RBFOX1: variants seen among roughly 807,000 people sequenced by gnomAD.
RBFOX1 encodes the protein RNA binding fox-1 homolog 1, also known as RNA binding protein fox-1 homolog 1.
RBFOX1 carries 8 observed loss-of-function variants against 57.7 expected under a neutral mutation model. The ratio of observed to expected loss-of-function variants is 0.14; its 90% CI spans 0.08 to 0.25. The LOEUF (loss-of-function observed/expected upper bound fraction) is 0.25, where lower values mean the gene tolerates loss of function less well. Ranked by LOEUF, RBFOX1 falls within the 10% of genes least tolerant of loss-of-function variation. The pLI is 1.00. For missense variants in RBFOX1, 611 were observed against 548.5 expected (o/e 1.11, Z -1.14); for synonymous variants, 326 against 222.4 (o/e 1.47, Z -4.15).
At chr16:6,604,767 T>C (rs957930513) in intron 2 of RBFOX1, among the ~76,000 whole-genome samples, 6 of 152,198 alleles carry the variant, frequency 3.9e-5, no homozygotes, top group African/African-American at 1.4e-4. Context: ...GATTCCAAGA[T>C]TCTATAATTC....
chr16:6,027,786 AT>A (rs2095223878), intron 1 of RBFOX1, among the ~76,000 whole-genome samples: 1 of 152,110 alleles, frequency 6.6e-6, no homozygotes, highest in Non-Finnish European at 1.5e-5. Flanking sequence ...TGCTTCGTAT[AT>A]TTTCCTCTTG....
intron 4 of RBFOX1, among the ~76,000 whole-genome samples, chr16:7,281,637 C>G (rs2095545688): frequency 6.6e-6 from 1 of 151,958 alleles, no homozygotes; most frequent in South Asian, 2.1e-4. Context: ...TCATGGGGTT[C>G]TAGTCTAGAT....
At chr16:6,061,406 A>T (rs1168035146) in intron 1 of RBFOX1, among the ~76,000 whole-genome samples, 1 of 151,924 alleles carries the variant, frequency 6.6e-6, no homozygotes, top group South Asian at 2.1e-4. Context: ...TTTTCATTAT[A>T]TGTCTATATA....
chr16:7,537,526 A>G (rs1056705292), intron 5 of RBFOX1, among the ~76,000 whole-genome samples: 1 of 152,186 alleles, frequency 6.6e-6, no homozygotes, highest in African/African-American at 2.4e-5. Context: ...CCACAACTTC[A>G]CACTCTTTTT....
chr16:6,337,429 G>C (rs2191422), intron 2 of RBFOX1, among the ~76,000 whole-genome samples: 3 of 152,050 alleles, frequency 2.0e-5, no homozygotes, highest in African/African-American at 7.2e-5. Context: ...ACAAACCTCA[G>C]ATATTTGCAG....
intron 3 of RBFOX1, among the ~76,000 whole-genome samples, chr16:6,932,928 C>G (rs908763694): frequency 6.6e-6 from 1 of 152,230 alleles, no homozygotes; most frequent in South Asian, 2.1e-4. Context: ...CTGGCAACTA[C>G]TATTCTCCTT....
chr16:7,258,538 G>A (rs551707732), intron 4 of RBFOX1, among the ~76,000 whole-genome samples: 40 of 152,152 alleles, frequency 2.6e-4, no homozygotes, highest in East Asian at 7.7e-4. Context: ...GTACATGCAC[G>A]TAAAAATATA....
At chr16:7,067,717 G>GA (rs1363676955) in intron 4 of RBFOX1, among the ~76,000 whole-genome samples, 1 of 129,068 alleles carries the variant, frequency 7.7e-6, no homozygotes, top group Non-Finnish European at 1.5e-5. Flanking sequence ...CCCAGAGTGT[G>GA]ATGTTCCCCT....
chr16:7,225,890 A>C (rs1161327949), intron 4 of RBFOX1, among the ~76,000 whole-genome samples: 2 of 129,248 alleles, frequency 1.5e-5, no homozygotes, highest in Non-Finnish European at 1.7e-5. Context: ...GTACCCTAGA[A>C]CTTAAAGTAT....
At chr16:6,614,044 G>A (rs1256122171) in intron 2 of RBFOX1, among the ~76,000 whole-genome samples, 1 of 152,196 alleles carries the variant, frequency 6.6e-6, no homozygotes, top group Non-Finnish European at 1.5e-5. Context: ...GAGTTTAGGT[G>A]AAACTTTCCC....
intron 14 of RBFOX1, among the ~76,000 whole-genome samples, chr16:7,686,537 GAGAGAA>G (rs1309342313): frequency 1.3e-5 from 2 of 151,968 alleles, no homozygotes; most frequent in Non-Finnish European, 2.9e-5. Context: ...TTTGGGTGGA[GAGAGAA>G]AGAGACTTTC....
intron 3 of RBFOX1, among the ~76,000 whole-genome samples, chr16:6,898,721 A>G (rs1034495740): frequency 6.6e-6 from 1 of 152,054 alleles, no homozygotes; most frequent in African/African-American, 2.4e-5. Flanking sequence ...ATATGTGTGT[A>G]TGTGTATGAT....
intron 4 of RBFOX1, among the ~76,000 whole-genome samples, chr16:7,296,428 T>C (rs1353974129): frequency 6.6e-6 from 1 of 152,158 alleles, no homozygotes; most frequent in Non-Finnish European, 1.5e-5. Context: ...TTTTTAAACT[T>C]TTCTTGGAAC....
At chr16:5,732,777 T>C (rs1239691936) in intron 3 of RBFOX1, among the ~76,000 whole-genome samples, 1 of 152,200 alleles carries the variant, frequency 6.6e-6, no homozygotes. Context: ...GGGAGGACAG[T>C]GGAGAACAAA....
chr16:6,885,230 G>T (rs1039163952), intron 3 of RBFOX1, among the ~76,000 whole-genome samples: 2 of 152,144 alleles, frequency 1.3e-5, no homozygotes, highest in Admixed American at 6.5e-5. Flanking sequence ...TGGTTTTTCA[G>T]ATGTGGTCTC....
chr16:6,201,112 C>G (rs1015570933), intron 1 of RBFOX1, among the ~76,000 whole-genome samples: 1 of 152,000 alleles, frequency 6.6e-6, no homozygotes, highest in Non-Finnish European at 1.5e-5. Context: ...CCAGTTCCAC[C>G]CATGTTGTTG....
At chr16:6,695,141 C>T (rs939849675) in intron 3 of RBFOX1, among the ~76,000 whole-genome samples, 1 of 151,978 alleles carries the variant, frequency 6.6e-6, no homozygotes. Flanking sequence ...AAACAATGGC[C>T]GGGCGCAGTA....
At chr16:7,303,986 C>G (rs978111493) in intron 4 of RBFOX1, among the ~76,000 whole-genome samples, 1 of 151,860 alleles carries the variant, frequency 6.6e-6, no homozygotes, top group African/African-American at 2.4e-5. Flanking sequence ...GTGGGGGGCC[C>G]CTTCCACTTT....
At chr16:5,606,535 C>T (rs933076649) in intron 3 of RBFOX1, among the ~76,000 whole-genome samples, 2 of 152,078 alleles carry the variant, frequency 1.3e-5, no homozygotes, top group African/African-American at 4.8e-5. Flanking sequence ...CCACCCCCAA[C>T]TCCCTAAATT....
Sources: gnomAD v4.1 joint callset for allele counts (sites outside exome capture counted in the v4.1 genomes callset) on GRCh38, gnomAD v4.1.1 for gene constraint, MANE v1.5 for transcripts, NCBI Gene and HGNC (gene_info 2026-07-23, HGNC 2026-07-21) for gene names.